Variants in PDSS2 observed in about 807,000 individuals in gnomAD.
PDSS2 encodes all trans-polyprenyl-diphosphate synthase PDSS2.
A neutral mutation model predicts 44.5 loss-of-function variants in PDSS2; 31 were observed. The ratio of observed to expected loss-of-function variants is 0.70; its 90% confidence interval spans 0.52 to 0.94. The LOEUF is 0.94. PDSS2 is among the 40% of genes least tolerant of loss of function. PDSS2 has a pLI of 0.00. For missense variants in PDSS2, 452 were observed against 482.2 expected, an observed-to-expected ratio of 0.94 and a Z score of 0.59; for synonymous variants, 157 against 180.3, an observed-to-expected ratio of 0.87 and a Z score of 1.03.
At chr6:107,237,848 A>G (rs1396312157) in intron 4 of PDSS2, among the ~76,000 whole-genome samples, 2 of 150,394 alleles carry the variant, frequency 1.3e-5, no homozygotes, top group Middle Eastern at 3.5e-3. Context: ...TTGAGCCAAG[A>G]TCGCACCACT....
intron 4 of PDSS2, among the ~76,000 whole-genome samples, chr6:107,215,236 A>G (rs1367465855): frequency 1.3e-5 from 2 of 152,070 alleles, no homozygotes; most frequent in Admixed American, 6.6e-5. Context: ...TCCAGAATAA[A>G]ATAGGAAGAG....
At chr6:107,352,898 C>T (rs1332204414) in intron 1 of PDSS2, among the ~76,000 whole-genome samples, 2 of 152,156 alleles carry the variant, frequency 1.3e-5, no homozygotes, top group Non-Finnish European at 2.9e-5. Context: ...GGTTGAGAAA[C>T]TCTGATTTAG....
intron 2 of PDSS2, among the ~76,000 whole-genome samples, chr6:107,294,341 G>A (rs1776440711): frequency 6.6e-6 from 1 of 151,922 alleles, no homozygotes; most frequent in Non-Finnish European, 1.5e-5. Flanking sequence ...AATCCTAAAT[G>A]TCCCCCCAAA....
rs575800796 is a variant in PDSS2 at position 107,403,492 on chromosome 6, G to A, written c.296+55498C>T. ...TCTTCTCACAGCTCCATTAGGCAGT[G>A]CCCCAGTGGGGACTTTGGGTGGTGG... is the stretch of plus-strand genomic sequence containing the variant. On this transcript the variant is annotated intron_variant, in intron 1 of 7. Coordinates refer to ENST00000369037, the MANE Select transcript of PDSS2 (RefSeq NM_020381.4). Among the ~76,000 whole-genome samples, 4 of 152,358 alleles carry A rather than the reference G, an allele frequency of 2.6e-5. No individual in the cohort carries two copies. The East Asian group carries it at 7.7e-4, about 29-fold the overall frequency.
intron 1 of PDSS2, among the ~76,000 whole-genome samples, chr6:107,379,646 C>T (rs1004517956): frequency 6.6e-6 from 1 of 152,154 alleles, no homozygotes; most frequent in African/African-American, 2.4e-5. Flanking sequence ...TGTTCTTCCT[C>T]ATGTTTAATG....
chr6:107,228,630 G>GGCT (rs1773919395), intron 4 of PDSS2, among the ~76,000 whole-genome samples: 2 of 152,094 alleles, frequency 1.3e-5, no homozygotes, highest in Admixed American at 1.3e-4. Context: ...AGGAGGCAGA[G>GGCT]GCTGCAGTGA....
At chr6:107,217,969 A>C (rs1773468909) in intron 4 of PDSS2, among the ~76,000 whole-genome samples, 1 of 152,224 alleles carries the variant, frequency 6.6e-6, no homozygotes, top group African/African-American at 2.4e-5. Flanking sequence ...TGCAACTCTA[A>C]GACTAATTTT....
intron 7 of PDSS2, among the ~76,000 whole-genome samples, chr6:107,174,415 A>T (rs1771714270): frequency 6.6e-6 from 1 of 152,188 alleles, no homozygotes; most frequent in Non-Finnish European, 1.5e-5. Flanking sequence ...GTTCCCTATT[A>T]TTGGAAGCCT....
intron 1 of PDSS2, among the ~76,000 whole-genome samples, chr6:107,346,712 G>A (rs1324680152): frequency 6.6e-6 from 1 of 152,102 alleles, no homozygotes; most frequent in Non-Finnish European, 1.5e-5. Context: ...CCCCAAACTG[G>A]AAAGATAATG....
chr6:107,334,344 C>G lies in PDSS2; in HGVS notation c.297-12G>C, dbSNP rs775366395. On this transcript the variant is annotated splice_polypyrimidine_tract_variant and intron_variant, in intron 1 of 7. Coordinates refer to ENST00000369037, the MANE Select transcript of PDSS2 (RefSeq NM_020381.4). ...CATGTACAAGCCCCCTGCCAACAAG[C>G]AAAGAAGGAAGAGGATTAATATACC... The G allele has an allele frequency of 2.5e-6, 4 of 1,612,534 alleles. No homozygotes were observed. The South Asian group carries it at 4.4e-5, about 18-fold the overall frequency.
chr6:107,159,749 A>C (rs1447993718), intron 7 of PDSS2, among the ~76,000 whole-genome samples: 1 of 151,936 alleles, frequency 6.6e-6, no homozygotes, highest in Non-Finnish European at 1.5e-5. Flanking sequence ...CTCTTCTCCA[A>C]ATTGATATTA....
intron 1 of PDSS2, among the ~76,000 whole-genome samples, chr6:107,432,209 A>T (rs1272397513): frequency 1.1e-4 from 16 of 152,214 alleles, no homozygotes; most frequent in Non-Finnish European, 2.9e-5. Flanking sequence ...CACATAGATA[A>T]TCAAAAACAC....
At position 107,154,679 on chromosome 6, in the gene PDSS2, A is replaced by T. The variant is rs782726770; in HGVS notation, c.1140T>A (p.Pro380=). 3.1e-6 allele frequency: 5 copies of T among 1,614,202 alleles called. No homozygotes were observed. In the Admixed American group the frequency reaches 8.3e-5, roughly 27 times the overall value. The change falls in exon 8 of 8, where the codon CCT becomes CCA. Residue 380 remains proline (P), a synonymous_variant. Transcript: ENST00000369037. ...CTAAAGCAGATCTGGCCTCCGAGGG[A>T]GGAAAGCTCTCCAGGGCCTCCAGTG... ...NKALEALESF[P]PSEARSALEN...
intron 2 of PDSS2, among the ~76,000 whole-genome samples, chr6:107,310,026 C>G (rs901673822): frequency 3.3e-5 from 5 of 152,062 alleles, no homozygotes; most frequent in African/African-American, 9.7e-5. Flanking sequence ...TGGTTCACAC[C>G]TGTAATCCCA....
intron 1 of PDSS2, among the ~76,000 whole-genome samples, chr6:107,384,157 T>C (rs1283283293): frequency 6.6e-6 from 1 of 152,072 alleles, no homozygotes; most frequent in Non-Finnish European, 1.5e-5. Flanking sequence ...CAGGCAGAAA[T>C]GGACAAATAT....
At chr6:107,272,183 G>A (rs1775624976) in intron 3 of PDSS2, among the ~76,000 whole-genome samples, 1 of 151,890 alleles carries the variant, frequency 6.6e-6, no homozygotes, top group African/African-American at 2.4e-5. Context: ...AAAAACAGAG[G>A]CTGGAAGTAC....
chr6:107,392,483 G>T (rs1035668385), intron 1 of PDSS2, among the ~76,000 whole-genome samples: 5 of 152,008 alleles, frequency 3.3e-5, no homozygotes, highest in Admixed American at 3.3e-4. Flanking sequence ...TCAAAAAAAA[G>T]TTTTCAGTCA....
In PDSS2 at chr6:107,163,884, T is replaced by C. The variant is rs575205416; in HGVS notation, c.1042-9107A>G. ...TCCCAAAGTGCTGGGATCACAGGTGTGAGCCATCACGCCCAGCTGATCTTG... is the reference window on the plus strand; with the variant it reads ...TCCCAAAGTGCTGGGATCACAGGTGCGAGCCATCACGCCCAGCTGATCTTG... On this transcript the variant is annotated intron_variant, in intron 7 of 7. Coordinates refer to ENST00000369037, the MANE Select transcript of PDSS2 (RefSeq NM_020381.4). Among the ~76,000 whole-genome samples the C allele has an allele frequency of 2.2e-4, 33 of 152,340 alleles. No individual in the cohort carries two copies. The South Asian group carries it at 6.8e-3, about 32-fold the overall frequency.
intron 2 of PDSS2, among the ~76,000 whole-genome samples, chr6:107,301,738 C>A (rs1032287876): frequency 9.9e-5 from 15 of 151,868 alleles, no homozygotes; most frequent in African/African-American, 2.9e-4. Context: ...CTGAGGCAGG[C>A]AGATCACGAG....
Sources: gnomAD v4.1 joint callset for allele counts (sites outside exome capture counted in the v4.1 genomes callset) on GRCh38, gnomAD v4.1.1 for gene constraint, MANE v1.5 for transcripts, NCBI Gene and HGNC (gene_info 2026-07-23, HGNC 2026-07-21) for gene names.